MTARC2: variants seen among roughly 807,000 people sequenced by gnomAD.
MTARC2 encodes the protein mitochondrial amidoxime reducing component 2.
MTARC2 carries 27 observed loss-of-function variants against 35.6 expected under a neutral mutation model. That is an observed-to-expected ratio of 0.76 (90% CI 0.56 to 1.04). The LOEUF is 1.04. Among genes scored for constraint, MTARC2 ranks in the 50% least tolerant of loss-of-function variants. The probability of loss-of-function intolerance (pLI) is 0.00; values close to 1 mark genes in which losing one functional copy is unlikely to be tolerated. For missense variants in MTARC2, 412 were observed against 432.5 expected, an observed-to-expected ratio of 0.95 and a Z score of 0.42; for synonymous variants, 158 against 167.1, an observed-to-expected ratio of 0.95 and a Z score of 0.42.
chr1:220,774,535 C>T (rs1191132830), intron 4 of MTARC2, among the ~76,000 whole-genome samples: 1 of 152,124 alleles, frequency 6.6e-6, no homozygotes, highest in Non-Finnish European at 1.5e-5. Flanking sequence ...GAGTAGAAAA[C>T]CAGGAGCAGT....
intron 4 of MTARC2, among the ~76,000 whole-genome samples, chr1:220,777,642 C>T (rs1173968360): frequency 6.6e-6 from 1 of 152,184 alleles, no homozygotes; most frequent in Admixed American, 6.5e-5. Flanking sequence ...TGCCTCCTAC[C>T]TTGAGACCTG....
intron 4 of MTARC2, among the ~76,000 whole-genome samples, chr1:220,763,628 A>C (rs1452582329): frequency 6.6e-6 from 1 of 152,072 alleles, no homozygotes; most frequent in Non-Finnish European, 1.5e-5. Flanking sequence ...AGAAACCCTG[A>C]ACTCTGTATG....
intron 1 of MTARC2, among the ~76,000 whole-genome samples, chr1:220,750,638 T>C (rs181400948): frequency 6.6e-6 from 1 of 152,252 alleles, no homozygotes; most frequent in Non-Finnish European, 1.5e-5. Context: ...ATGAAATTAA[T>C]GTTATTCAGT....
chr1:220,770,426 CCCTCGAGTG>C (rs1330752900), intron 4 of MTARC2: 1 of 985,182 alleles, frequency 1.0e-6, no homozygotes, highest in African/African-American at 1.7e-5. Flanking sequence ...CGCGGTATTC[CCCTCGAGTG>C]AGTGTGATAC....
chr1:220,772,313 T>C lies in MTARC2; in HGVS notation c.751-7705T>C, dbSNP rs530849462. 1.1e-3 allele frequency among the ~76,000 whole-genome samples: 173 copies of C among 152,326 alleles called. 1 individual carries two copies. Among genetic ancestry groups the C allele is most frequent in the African/African-American group, 4.0e-3 (168 of 41,576 alleles). ...TTGCCAAATTGCTTTCCAGAAACCT[T>C]ATACCAATTTATATTCCCTCAAGGT... On this transcript the variant is annotated intron_variant, in intron 4 of 7. Coordinates refer to ENST00000366913, the MANE Select transcript of MTARC2 (RefSeq NM_017898.5).
chr1:220,764,845 T>C (rs1006450924), intron 4 of MTARC2, among the ~76,000 whole-genome samples: 5 of 152,182 alleles, frequency 3.3e-5, no homozygotes, highest in African/African-American at 9.7e-5. Context: ...GGTGTTATCT[T>C]GTCATTTGTT....
chr1:220,753,436 A>C (rs1362093529), intron 1 of MTARC2, among the ~76,000 whole-genome samples: 1 of 152,174 alleles, frequency 6.6e-6, no homozygotes, highest in African/African-American at 2.4e-5. Flanking sequence ...GGGAAGGGAC[A>C]GTTTAGCCAG....
rs1672168558 is a variant in MTARC2, at chr1:220,784,755, A to C, written c.*868A>C. On this transcript the variant is annotated 3_prime_UTR_variant, in exon 8 of 8. Coordinates refer to ENST00000366913, the MANE Select transcript of MTARC2 (RefSeq NM_017898.5). Reference sequence around the variant, plus strand: ...ACTGAAATAGTATGTGGATGAATTCACCTACTTACAATTTTATGGTTTCTT... The same window carrying C: ...ACTGAAATAGTATGTGGATGAATTCCCCTACTTACAATTTTATGGTTTCTT... The C allele has an allele frequency of 6.6e-6, 1 of 152,250 alleles. No individual in the cohort carries two copies. The highest frequency in any genetic ancestry group is 6.5e-5 in the Admixed American group (1 of 15,286). 9.4% of individuals were successfully genotyped at this position (152,250 alleles called of 1,614,324 possible).
chr1:220,769,045 T>A (rs1671660081), intron 4 of MTARC2, among the ~76,000 whole-genome samples: 1 of 152,214 alleles, frequency 6.6e-6, no homozygotes, highest in Non-Finnish European at 1.5e-5. Context: ...TAGGAATACA[T>A]TCACATTTCT....
At chr1:220,760,190 C>T (rs190864093) in intron 2 of MTARC2, among the ~76,000 whole-genome samples, 363 of 152,256 alleles carry the variant, frequency 2.4e-3, no homozygotes, top group Non-Finnish European at 4.4e-3. Flanking sequence ...AGGGGCATTG[C>T]CCTTGGAGGG....
At chr1:220,773,004 T>G (rs1355876421) in intron 4 of MTARC2, among the ~76,000 whole-genome samples, 1 of 152,212 alleles carries the variant, frequency 6.6e-6, no homozygotes. Flanking sequence ...GAGTTTCTTT[T>G]GTCATTCATA....
intron 4 of MTARC2, among the ~76,000 whole-genome samples, chr1:220,769,213 C>T (rs969730682): frequency 7.2e-5 from 11 of 152,236 alleles, no homozygotes; most frequent in African/African-American, 2.2e-4. Context: ...ACAGGACTTT[C>T]GCCTCTTTCT....
intron 2 of MTARC2, among the ~76,000 whole-genome samples, chr1:220,760,831 G>A (rs1345774569): frequency 6.6e-6 from 1 of 152,134 alleles, no homozygotes. Flanking sequence ...ATACATATGT[G>A]TTCATGAATA....
intron 4 of MTARC2, among the ~76,000 whole-genome samples, chr1:220,763,729 G>A (rs1221583748): frequency 6.6e-6 from 1 of 152,192 alleles, no homozygotes. Flanking sequence ...CCGAGCAGTG[G>A]AAGTAACAAT....
At chr1:220,779,579 A>G (rs1296150418) in intron 4 of MTARC2, among the ~76,000 whole-genome samples, 1 of 152,366 alleles carries the variant, frequency 6.6e-6, no homozygotes, top group Non-Finnish European at 1.5e-5. Context: ...GGTGGCAGCA[A>G]TGAATGTGTG....
chr1:220,778,929 C>T (rs576336485), intron 4 of MTARC2, among the ~76,000 whole-genome samples: 4 of 152,312 alleles, frequency 2.6e-5, no homozygotes, highest in African/African-American at 9.6e-5. Context: ...TAGTTAAGTA[C>T]CCTAGTCCTG....
At position 220,784,056 on chromosome 1, in the gene MTARC2, G is replaced by A. The variant is rs1378766415; in HGVS notation, c.*169G>A. ...TTTTTGACTTTTCAAAGTTGTGTAT[G>A]CTCCAGGTTAATGCAAGGAAAGTAT... On this transcript the variant is annotated 3_prime_UTR_variant, in exon 8 of 8. Transcript: ENST00000366913. The A allele has an allele frequency of 1.4e-6, 1 of 696,018 alleles. No homozygotes were observed. Among genetic ancestry groups the A allele is most frequent in the East Asian group, 2.7e-5 (1 of 36,982 alleles). 43.1% of individuals were successfully genotyped at this position (696,018 alleles called of 1,614,324 possible). A position where few individuals can be genotyped will look rare whatever the true frequency, so the allele number is the denominator to read the frequency against.
chr1:220,762,254 C>G (rs1159992048), intron 3 of MTARC2, among the ~76,000 whole-genome samples: 2 of 152,192 alleles, frequency 1.3e-5, no homozygotes, highest in African/African-American at 2.4e-5. Flanking sequence ...GAGGCGCCTC[C>G]CCCTAAGGAA....
At chr1:220,754,889 A>G (rs1671233459) in intron 1 of MTARC2, 58 bp from the exon 2 acceptor site, 1 of 1,454,906 alleles carries the variant, frequency 6.9e-7, no homozygotes, top group African/African-American at 1.4e-5. Flanking sequence ...AGCTGGAGGG[A>G]AGCTGTTGGG....
Sources: allele counts gnomAD v4.1 joint callset (sites outside exome capture counted in the v4.1 genomes callset), GRCh38; gene constraint gnomAD v4.1.1; transcripts MANE v1.5; gene names NCBI Gene and HGNC (gene_info 2026-07-23, HGNC 2026-07-21).